Variants in SMYD3 observed in about 807,000 individuals in gnomAD.
The protein encoded by SMYD3 is histone-lysine N-methyltransferase SMYD3.
Under a neutral mutation model 57.7 loss-of-function variants are expected in SMYD3, and 36 were observed. The observed-to-expected ratio is 0.62, with a 90% CI of 0.48 to 0.82. SMYD3 has a LOEUF of 0.82. SMYD3 is among the 40% of genes least tolerant of loss of function. The pLI, the probability that SMYD3 is intolerant of heterozygous loss-of-function variation, is 0.00. For missense variants in SMYD3, 515 were observed against 538.8 expected (o/e 0.96, Z 0.44); for synonymous variants, 211 against 195.0 (o/e 1.08, Z -0.68).
At chr1:245,837,802 T>C (rs1435896317) in intron 10 of SMYD3, among the ~76,000 whole-genome samples, 1 of 152,090 alleles carries the variant, frequency 6.6e-6, no homozygotes, top group African/African-American at 2.4e-5. Flanking sequence ...CACCGCCAGC[T>C]CAGGTTTCTA....
At chr1:246,169,929 A>C (rs891548703) in intron 5 of SMYD3, among the ~76,000 whole-genome samples, 3 of 151,982 alleles carry the variant, frequency 2.0e-5, no homozygotes, top group African/African-American at 7.2e-5. Context: ...ACAGCAAGAA[A>C]TCTTCAGTCT....
intron 10 of SMYD3, among the ~76,000 whole-genome samples, chr1:245,846,685 A>C (rs913073545): frequency 2.0e-5 from 3 of 152,214 alleles, no homozygotes; most frequent in Non-Finnish European, 4.4e-5. Context: ...CTTGGTCCAC[A>C]GTAGCCTCTT....
At chr1:246,088,217 G>A (rs991386678) in intron 5 of SMYD3, among the ~76,000 whole-genome samples, 1 of 151,406 alleles carries the variant, frequency 6.6e-6, no homozygotes, top group Non-Finnish European at 1.5e-5. Context: ...TCAAAACAAG[G>A]ACACACACAC....
chr1:246,147,748 C>T (rs533403711), intron 5 of SMYD3, among the ~76,000 whole-genome samples: 35 of 152,154 alleles, frequency 2.3e-4, no homozygotes, highest in African/African-American at 7.9e-4. Context: ...AGAGCTGCAG[C>T]CTCCCTGCTG....
intron 1 of SMYD3, among the ~76,000 whole-genome samples, chr1:246,489,914 A>ACCCCC (rs564617070): frequency 3.3e-5 from 5 of 149,858 alleles, no homozygotes; most frequent in African/African-American, 1.2e-4. Context: ...AGCAGCCTCA[A>ACCCCC]CCCCCCAGGC....
chr1:246,315,480 A>G (rs1420073648), intron 5 of SMYD3, among the ~76,000 whole-genome samples: 1 of 152,186 alleles, frequency 6.6e-6, no homozygotes, highest in East Asian at 1.9e-4. Flanking sequence ...CAGAAATATC[A>G]CAAACTCACA....
intron 5 of SMYD3, among the ~76,000 whole-genome samples, chr1:246,098,756 C>T (rs1212245762): frequency 1.3e-5 from 2 of 152,068 alleles, no homozygotes; most frequent in African/African-American, 4.8e-5. Context: ...TTTTATTATA[C>T]TCAACTTTTC....
chr1:246,183,941 A>G (rs1229377079), intron 5 of SMYD3, among the ~76,000 whole-genome samples: 2 of 152,262 alleles, frequency 1.3e-5, no homozygotes, highest in Non-Finnish European at 2.9e-5. Flanking sequence ...TGGTAACAGG[A>G]TACATATCAA....
intron 5 of SMYD3, among the ~76,000 whole-genome samples, chr1:245,998,065 A>C (rs1003845719): frequency 6.6e-6 from 1 of 152,242 alleles, no homozygotes; most frequent in Non-Finnish European, 1.5e-5. Context: ...GTGCTGGACC[A>C]GGACCAGGGC....
intron 11 of SMYD3, among the ~76,000 whole-genome samples, chr1:245,759,330 A>G (rs2791375): frequency 0.44 from 67,344 of 151,566 alleles, 15,712 homozygotes; most frequent in East Asian, 0.65. Flanking sequence ...ACCTCCCCAC[A>G]CGGTAACGTA....
intron 5 of SMYD3, among the ~76,000 whole-genome samples, chr1:246,044,314 A>T (rs2059926568): frequency 6.6e-6 from 1 of 152,226 alleles, no homozygotes; most frequent in Non-Finnish European, 1.5e-5. Context: ...CATACACACC[A>T]AAATAACATG....
At chr1:246,409,515 G>C (rs1463444926) in intron 1 of SMYD3, among the ~76,000 whole-genome samples, 1 of 152,140 alleles carries the variant, frequency 6.6e-6, no homozygotes, top group Non-Finnish European at 1.5e-5. Context: ...TGAGGGCTCT[G>C]TTCTGTTCCA....
At chr1:245,837,258 G>A (rs1379072193) in intron 10 of SMYD3, among the ~76,000 whole-genome samples, 3 of 151,300 alleles carry the variant, frequency 2.0e-5, no homozygotes, top group South Asian at 2.1e-4. Flanking sequence ...AAAAGAAGAA[G>A]AAGAAGAAGG....
At chr1:245,781,032 G>C (rs975770552) in intron 10 of SMYD3, among the ~76,000 whole-genome samples, 5 of 150,608 alleles carry the variant, frequency 3.3e-5, no homozygotes, top group African/African-American at 1.2e-4. Flanking sequence ...TAGGAAATTT[G>C]TAGAAAAAGC....
At chr1:245,937,614 A>G (rs887081712) in intron 5 of SMYD3, among the ~76,000 whole-genome samples, 1 of 152,148 alleles carries the variant, frequency 6.6e-6, no homozygotes, top group African/African-American at 2.4e-5. Context: ...TTCTTCAATA[A>G]TTTATTACAA....
intron 10 of SMYD3, among the ~76,000 whole-genome samples, chr1:245,787,192 A>C (rs2047078873): frequency 6.6e-6 from 1 of 152,202 alleles, no homozygotes; most frequent in South Asian, 2.1e-4. Flanking sequence ...TACAGTTGGA[A>C]GCAGATTCTT....
At chr1:246,475,476 C>G (rs1425188791) in intron 1 of SMYD3, among the ~76,000 whole-genome samples, 3 of 151,896 alleles carry the variant, frequency 2.0e-5, no homozygotes, top group Admixed American at 1.3e-4. Flanking sequence ...AACACCACCT[C>G]TACTAAAAAT....
At chr1:246,241,694 T>A (rs2063613942) in intron 5 of SMYD3, among the ~76,000 whole-genome samples, 2 of 152,012 alleles carry the variant, frequency 1.3e-5, no homozygotes, top group African/African-American at 4.8e-5. Flanking sequence ...GTACCTCTGG[T>A]AGAATTCAGC....
chr1:246,293,313 T>A (rs1183736961), intron 5 of SMYD3, among the ~76,000 whole-genome samples: 1 of 152,200 alleles, frequency 6.6e-6, no homozygotes, highest in Admixed American at 6.5e-5. Flanking sequence ...CTACATGTAT[T>A]ATGTACTTGG....
Sources: gnomAD v4.1 joint callset for allele counts (sites outside exome capture counted in the v4.1 genomes callset) on GRCh38, gnomAD v4.1.1 for gene constraint, MANE v1.5 for transcripts, NCBI Gene and HGNC (gene_info 2026-07-23, HGNC 2026-07-21) for gene names.